Variants in ZDHHC19 observed in about 807,000 individuals in gnomAD.
ZDHHC19 encodes the protein zDHHC palmitoyltransferase 19, also known as palmitoyltransferase ZDHHC19.
A neutral mutation model predicts 33.9 loss-of-function variants in ZDHHC19; 30 were observed. That is an observed-to-expected ratio of 0.88 (90% CI 0.66 to 1.20). The LOEUF is 1.20. Among genes scored for constraint, ZDHHC19 ranks in the 50% most tolerant of loss-of-function variants. The probability of loss-of-function intolerance (pLI) is 0.00; values close to 1 mark genes in which losing one functional copy is unlikely to be tolerated. For missense variants in ZDHHC19, 364 were observed against 401.1 expected (o/e 0.91, Z 0.79); for synonymous variants, 178 against 167.6 (o/e 1.06, Z -0.48).
chr3:196,200,494 A>C (rs1374452676), intron 5 of ZDHHC19, among the ~76,000 whole-genome samples: 1 of 149,604 alleles, frequency 6.7e-6, no homozygotes, highest in Admixed American at 6.7e-5. Context: ...AGCTGGGATT[A>C]CAGGTGCTCG....
rs78522581 is a variant in ZDHHC19, at chr3:196,203,677, C to T, written c.687+3721G>A. Among the ~76,000 whole-genome samples, 1,643 of 152,250 alleles carry T rather than the reference C, an allele frequency of 0.011. 40 individuals carry two copies. The highest frequency in any genetic ancestry group is 0.037 in the African/African-American group (1,532 of 41,536). ...TGGATCAGGAGGGCAGCATTCTGGG[C>T]AGGGGAGGGAGGGCAGGAAGAACCA... On this transcript the variant is annotated intron_variant, in intron 5 of 7. Transcript: ENST00000296326. The surrounding 1 kb of genome is among the most constrained non-coding windows in gnomAD (Gnocchi z 4.3).
In ZDHHC19 at chr3:196,211,394, C is replaced by A; in HGVS notation, c.-79G>T. ...CAGCCCAGCTTCCAGAGCTCCATGG[C>A]CACGGCAGCCTCAGAGCCGCAGCCC... On this transcript the variant is annotated 5_prime_UTR_variant, in exon 1 of 8. Coordinates refer to ENST00000296326, the MANE Select transcript of ZDHHC19 (RefSeq NM_001039617.2). The A allele has an allele frequency of 6.7e-7, 1 of 1,499,782 alleles. No homozygotes were observed. 92.9% of individuals were successfully genotyped at this position (1,499,782 alleles called of 1,614,324 possible). A position where few individuals can be genotyped will look rare whatever the true frequency, so the allele number is the denominator to read the frequency against.
intron 5 of ZDHHC19, among the ~76,000 whole-genome samples, chr3:196,201,906 C>T (rs1286421675): frequency 1.3e-5 from 2 of 152,156 alleles, no homozygotes; most frequent in Admixed American, 6.5e-5. Flanking sequence ...CCCCATTCCC[C>T]GCCAGGGATC....
At chr3:196,201,670 G>A (rs532050198) in intron 5 of ZDHHC19, among the ~76,000 whole-genome samples, 11 of 152,082 alleles carry the variant, frequency 7.2e-5, no homozygotes, top group Admixed American at 5.9e-4. Context: ...GCAGTGAGCC[G>A]AGATAGCACC....
chr3:196,202,340 A>T (rs1049066664), intron 5 of ZDHHC19: 10 of 152,326 alleles, frequency 6.6e-5, no homozygotes, highest in African/African-American at 2.2e-4. Flanking sequence ...AAAAAAAAAA[A>T]GTTCCAAGGG....
At chr3:196,198,516 C>A in intron 6 of ZDHHC19, 65 bp from the exon 7 acceptor site, 2 of 1,589,944 alleles carry the variant, frequency 1.3e-6, no homozygotes, top group Non-Finnish European at 8.6e-7. Flanking sequence ...CTGCCCGCCT[C>A]AGCTTGGGAA....
At chr3:196,198,165 C>CCG in intron 7 of ZDHHC19, 111 bp downstream of exon 7, 3 of 1,115,548 alleles carry the variant, frequency 2.7e-6, no homozygotes, top group South Asian at 5.9e-5. Context: ...GCTCGGAGCG[C>CCG]TCCAGCTTCA....
chr3:196,207,895 A>G (rs1477889432), intron 4 of ZDHHC19, among the ~76,000 whole-genome samples: 2 of 129,484 alleles, frequency 1.5e-5, no homozygotes, highest in African/African-American at 5.9e-5. Context: ...TCTGCGGTGC[A>G]CCTTTAGCAC....
intron 5 of ZDHHC19, among the ~76,000 whole-genome samples, chr3:196,200,631 A>G (rs374914000): frequency 0.038 from 5,680 of 147,566 alleles, 292 homozygotes; most frequent in Admixed American, 0.097. Context: ...TGGGATTACA[A>G]GCGTGAGCCA....
intron 5 of ZDHHC19, among the ~76,000 whole-genome samples, chr3:196,205,201 C>T (rs1426829848): frequency 6.6e-6 from 1 of 152,166 alleles, no homozygotes; most frequent in Non-Finnish European, 1.5e-5. Context: ...GCCTGTACAC[C>T]AGTGTTTATA....
chr3:196,200,831 G>T (rs1187027020), intron 5 of ZDHHC19, among the ~76,000 whole-genome samples: 2 of 146,960 alleles, frequency 1.4e-5, no homozygotes, highest in African/African-American at 2.6e-5. Context: ...AATTTTTTTT[G>T]CAGGAATGGG....
intron 5 of ZDHHC19, among the ~76,000 whole-genome samples, chr3:196,200,870 G>A (rs1011077258): frequency 2.0e-5 from 3 of 151,214 alleles, no homozygotes; most frequent in Non-Finnish European, 2.9e-5. Context: ...GGCTGGTCTT[G>A]AACTCCTGGC....
At chr3:196,210,282 G>GAAAGAAAGAAAGAAAGAAAGAAAGAA (rs1723132960) in intron 2 of ZDHHC19, among the ~76,000 whole-genome samples, 1 of 140,596 alleles carries the variant, frequency 7.1e-6, no homozygotes, top group African/African-American at 2.7e-5. Flanking sequence ...AAGAAAGAAA[G>GAAAGAAAGAAAGAAAGAAAGAAAGAA]AAAGAAGGAA....
intron 3 of ZDHHC19, 64 bp downstream of exon 3, chr3:196,209,311 AG>A: frequency 6.5e-7 from 1 of 1,528,322 alleles, no homozygotes; most frequent in Non-Finnish European, 8.8e-7. Context: ...CCCCTGTATG[AG>A]GGAGGCTCCT....
intron 5 of ZDHHC19, among the ~76,000 whole-genome samples, chr3:196,199,870 G>A (rs886182323): frequency 2.0e-5 from 3 of 151,832 alleles, no homozygotes; most frequent in Non-Finnish European, 2.9e-5. Flanking sequence ...GCTTGAACCC[G>A]GGAGGCGGAG....
Position 196,210,686 on chromosome 3 carries a change from G to A in ZDHHC19, c.198C>T (p.Gly66=), listed in dbSNP as rs1375973345. 2 of 1,614,064 alleles carry A rather than the reference G, an allele frequency of 1.2e-6. No individual in the cohort carries two copies. Among genetic ancestry groups the A allele is most frequent in the East Asian group, 2.2e-5 (1 of 44,892 alleles). Residue 66 remains glycine (G), a synonymous_variant, in exon 2 of 8, where the codon GGC becomes GGT. Transcript: ENST00000296326. ...NGEWAFPVIT[G]SLFVLTFFSL... is the part of the protein sequence containing the mutation. ...TGAAGAAGGTAAGGACAAAGAGGGA[G>A]CCTGTGATAACAGGAAAGGCCCACT...
intron 5 of ZDHHC19, 31 bp downstream of exon 5, chr3:196,207,367 G>T: frequency 6.5e-7 from 1 of 1,538,080 alleles, no homozygotes; most frequent in South Asian, 1.2e-5. Context: ...GGTCCCCGAG[G>T]TGCAAGCTGA....
chr3:196,206,386 T>C (rs1390738632), intron 5 of ZDHHC19, among the ~76,000 whole-genome samples: 1 of 152,058 alleles, frequency 6.6e-6, no homozygotes, highest in Non-Finnish European at 1.5e-5. Context: ...TCTTGCTCTA[T>C]TGCCCAGGCT....
chr3:196,204,094 G>C (rs2108728055), intron 5 of ZDHHC19, among the ~76,000 whole-genome samples: 1 of 152,266 alleles, frequency 6.6e-6, no homozygotes, highest in Non-Finnish European at 1.5e-5. Flanking sequence ...ATACAGATTG[G>C]AAAAGAAGAA....
Sources: allele counts gnomAD v4.1 joint callset (sites outside exome capture counted in the v4.1 genomes callset), GRCh38; gene constraint gnomAD v4.1.1; non-coding constraint Gnocchi (gnomAD v3.1); transcripts MANE v1.5; gene names NCBI Gene and HGNC (gene_info 2026-07-23, HGNC 2026-07-21).